The following SLC38A6 variants were observed in gnomAD, a reference collection of about 807,000 sequenced individuals.
SLC38A6 encodes the protein solute carrier family 38 member 6, also known as N system amino acid transporter NAT-1.
SLC38A6 carries 73 observed loss-of-function variants against 65.0 expected under a neutral mutation model. That is an observed-to-expected ratio of 1.12 (90% CI 0.93 to 1.37). The LOEUF (loss-of-function observed/expected upper bound fraction) is 1.37, where lower values mean the gene tolerates loss of function less well. Ranked by LOEUF, SLC38A6 falls within the 40% of genes most tolerant of loss-of-function variation. The pLI is 0.00. For synonymous variants in SLC38A6, 183 were observed against 178.8 expected (o/e 1.02, Z -0.19); for missense variants, 561 against 531.1 (o/e 1.06, Z -0.55).
intron 3 of SLC38A6, among the ~76,000 whole-genome samples, chr14:61,006,925 A>C (rs920329049): frequency 6.6e-6 from 1 of 152,238 alleles, no homozygotes; most frequent in African/African-American, 2.4e-5. Context: ...AACCAAGCCA[A>C]ATGTCCAACA....
chr14:60,981,531 C>T, intron 1 of SLC38A6, 149 bp downstream of exon 1: 1 of 1,531,922 alleles, frequency 6.5e-7, no homozygotes. Flanking sequence ...AGGCAGCCGC[C>T]GAGATTCAGA....
At chr14:61,050,714 A>G in intron 13 of SLC38A6, 78 bp downstream of exon 13, 2 of 1,268,494 alleles carry the variant, frequency 1.6e-6, no homozygotes, top group Non-Finnish European at 2.1e-6. Flanking sequence ...GCAGAATAGA[A>G]TGTTTGAATC....
chr14:61,063,678 A>G (rs546194995), intron 15 of SLC38A6, among the ~76,000 whole-genome samples: 8 of 143,880 alleles, frequency 5.6e-5, no homozygotes, highest in Non-Finnish European at 1.2e-4. Flanking sequence ...CGAAAAATTG[A>G]CAACTGAGCT....
At chr14:61,042,994 A>C (rs2041901197) in intron 8 of SLC38A6, among the ~76,000 whole-genome samples, 153 bp from the exon 9 acceptor site, 1 of 152,200 alleles carries the variant, frequency 6.6e-6, no homozygotes, top group Non-Finnish European at 1.5e-5. Context: ...ACCATGTTAA[A>C]TGTTGACCCC....
intron 3 of SLC38A6, among the ~76,000 whole-genome samples, chr14:60,985,206 G>T (rs2037368087): frequency 2.0e-5 from 3 of 152,188 alleles, no homozygotes; most frequent in African/African-American, 7.2e-5. Context: ...GGTAGGGATG[G>T]CAGAATTAGG....
intron 15 of SLC38A6, among the ~76,000 whole-genome samples, chr14:61,073,196 A>G (rs1017740162): frequency 7.9e-5 from 12 of 152,216 alleles, no homozygotes; most frequent in Admixed American, 7.2e-4. Context: ...AGAAATGTCT[A>G]TTCAAATATT....
chr14:61,022,532 T>C (rs934537724), intron 5 of SLC38A6, among the ~76,000 whole-genome samples: 11 of 151,150 alleles, frequency 7.3e-5, no homozygotes, highest in Non-Finnish European at 1.3e-4. Flanking sequence ...CAATGTTACT[T>C]CATTAAAATG....
At chr14:61,055,268 T>G (rs1471729964), downstream of SLC38A6, among the ~76,000 whole-genome samples, 1 of 59,220 alleles carries the variant, frequency 1.7e-5, no homozygotes, top group African/African-American at 6.4e-5. Flanking sequence ...CCCTCCCCCC[T>G]CCCCCGACCC....
At chr14:61,039,171 T>C (rs2041615213) in intron 8 of SLC38A6, among the ~76,000 whole-genome samples, 1 of 152,210 alleles carries the variant, frequency 6.6e-6, no homozygotes, top group East Asian at 1.9e-4. Context: ...TCATGACAGA[T>C]ACTCTTTAAT....
At position 60,982,607 on chromosome 14, in the gene SLC38A6, G is replaced by C. The variant is rs1219283030; in HGVS notation, c.205G>C (p.Val69Leu). The change falls in exon 2 of 16, where the codon GTT becomes CTT. Residue 69 changes from valine to leucine, a missense_variant. Physicochemically the swap from Val to Leu is conservative, Grantham distance 32. Transcript: ENST00000267488. ...AAGTGGCATCCTTGGCTTAGCTTAT[G>C]TTTTGGCTAATACCGGTGTCTTTGG... ...MGSGILGLAYVLANTGVFGFS... is the reference protein window; with the variant it reads ...MGSGILGLAYLLANTGVFGFS... 4 of 1,613,838 alleles carry C rather than the reference G, an allele frequency of 2.5e-6. No individual in the cohort carries two copies. The South Asian group carries it at 4.4e-5, about 18-fold the overall frequency.
intron 15 of SLC38A6, among the ~76,000 whole-genome samples, chr14:61,071,361 G>A (rs941307908): frequency 2.0e-5 from 3 of 151,904 alleles, no homozygotes; most frequent in African/African-American, 7.3e-5. Flanking sequence ...TTTAATTTTG[G>A]TAGGTATTAC....
At chr14:61,046,294 A>G in intron 12 of SLC38A6, 127 bp downstream of exon 12, 1 of 547,744 alleles carries the variant, frequency 1.8e-6, no homozygotes, top group Non-Finnish European at 3.2e-6. Flanking sequence ...ATTACAATGC[A>G]GTACTGTGGT....
chr14:61,014,086 T>G (rs1270190219), intron 3 of SLC38A6, among the ~76,000 whole-genome samples: 1 of 152,208 alleles, frequency 6.6e-6, no homozygotes, highest in African/African-American at 2.4e-5. Context: ...TTCATTTCTT[T>G]TTATTCTTTT....
intron 3 of SLC38A6, among the ~76,000 whole-genome samples, chr14:61,002,403 G>C (rs1000097014): frequency 6.6e-6 from 1 of 152,082 alleles, no homozygotes; most frequent in African/African-American, 2.4e-5. Context: ...AATAATAAGG[G>C]TACATTCCCA....
At chr14:61,008,205 A>G (rs1238557316) in intron 3 of SLC38A6, among the ~76,000 whole-genome samples, 1 of 152,198 alleles carries the variant, frequency 6.6e-6, no homozygotes, top group Non-Finnish European at 1.5e-5. Flanking sequence ...TGTATCATTC[A>G]TGAAGTTTCC....
intron 3 of SLC38A6, among the ~76,000 whole-genome samples, chr14:61,006,449 T>C (rs1205942889): frequency 9.2e-5 from 14 of 152,076 alleles, no homozygotes; most frequent in South Asian, 2.1e-4. Context: ...GGCTAATATC[T>C]AGAATCTACA....
At chr14:61,036,823 G>A (rs2041408870) in intron 6 of SLC38A6, among the ~76,000 whole-genome samples, 1 of 151,916 alleles carries the variant, frequency 6.6e-6, no homozygotes, top group Admixed American at 6.6e-5. Context: ...TATTAATTCA[G>A]TAGTTGGAAA....
intron 5 of SLC38A6, among the ~76,000 whole-genome samples, chr14:61,023,347 G>A (rs1038334900): frequency 6.6e-6 from 1 of 152,086 alleles, no homozygotes; most frequent in African/African-American, 2.4e-5. Context: ...AAAGTGGGAG[G>A]ATTGCCTGAG....
chr14:61,053,877 T>A (rs1594760420), downstream of SLC38A6, among the ~76,000 whole-genome samples: 1 of 152,190 alleles, frequency 6.6e-6, no homozygotes, highest in Non-Finnish European at 1.5e-5. Context: ...TAAGTTTAAT[T>A]AGATCTCATT....
Sources: allele counts gnomAD v4.1 joint callset (sites outside exome capture counted in the v4.1 genomes callset), GRCh38; gene constraint gnomAD v4.1.1; transcripts MANE v1.5; gene names NCBI Gene and HGNC (gene_info 2026-07-23, HGNC 2026-07-21).